Variants in VWA3B observed in about 807,000 individuals in gnomAD.
VWA3B encodes von Willebrand factor A domain containing 3B, also known as von Willebrand factor A domain-containing protein 3B.
In VWA3B, 138 loss-of-function variants were observed where a neutral mutation model predicts 158.3. The observed-to-expected ratio is 0.87, with a 90% CI of 0.76 to 1.00. The LOEUF is 1.00. Among genes scored for constraint, VWA3B ranks in the 50% least tolerant of loss-of-function variants. The pLI is 0.00. For missense variants in VWA3B, 1,555 were observed against 1,565.1 expected (o/e 0.99, Z 0.11); for synonymous variants, 596 against 587.3 (o/e 1.01, Z -0.21).
chr2:98,262,448 G>A (rs1217418301), intron 21 of VWA3B, among the ~76,000 whole-genome samples: 1 of 151,726 alleles, frequency 6.6e-6, no homozygotes, highest in Non-Finnish European at 1.5e-5. Context: ...TTTTATATAT[G>A]TTTTAAACCA....
chr2:98,256,908 T>C (rs1329002933), intron 21 of VWA3B, among the ~76,000 whole-genome samples: 1 of 152,214 alleles, frequency 6.6e-6, no homozygotes, highest in Non-Finnish European at 1.5e-5. Context: ...GTTTAGACTA[T>C]CTATCACCTC....
intron 2 of VWA3B, among the ~76,000 whole-genome samples, chr2:98,110,602 T>C (rs1438262160): frequency 6.6e-6 from 1 of 152,224 alleles, no homozygotes; most frequent in Non-Finnish European, 1.5e-5. Flanking sequence ...GTTTATATTT[T>C]TGGATTTAGG....
chr2:98,310,666 G>C (rs549561979), intron 26 of VWA3B, among the ~76,000 whole-genome samples: 1 of 152,140 alleles, frequency 6.6e-6, no homozygotes, highest in East Asian at 1.9e-4. Flanking sequence ...GAGCAGGGGC[G>C]GTAAGTGTAC....
chr2:98,216,217 G>C (rs936021246), intron 13 of VWA3B, among the ~76,000 whole-genome samples: 17 of 152,230 alleles, frequency 1.1e-4, no homozygotes, highest in Non-Finnish European at 2.9e-5. Context: ...GTGGGTTCTA[G>C]AAATATTAGT....
intron 26 of VWA3B, among the ~76,000 whole-genome samples, chr2:98,309,483 C>T (rs946339821): frequency 1.3e-5 from 2 of 152,128 alleles, no homozygotes; most frequent in Non-Finnish European, 2.9e-5. Context: ...AACCCCTGTT[C>T]CCCACAATTC....
chr2:98,107,668 A>G (rs1673779303), intron 2 of VWA3B, among the ~76,000 whole-genome samples: 1 of 152,012 alleles, frequency 6.6e-6, no homozygotes, highest in African/African-American at 2.4e-5. Flanking sequence ...AGGAGTTTGT[A>G]GTATTCTATT....
Position 98,186,158 on chromosome 2 carries a change from ATTT to A in VWA3B, c.1312-1801_1312-1799del, listed in dbSNP as rs377014875. ...TTGATCTAGTTGGTCACTTCCTTGA[ATTT>A]TTTTTTTTTTTTTTTGCAGAATATA... On this transcript the variant is annotated intron_variant, in intron 9 of 27. Transcript: ENST00000477737. Among the ~76,000 whole-genome samples the A allele has an allele frequency of 7.0e-5, 9 of 128,368 alleles. No homozygotes were observed. The East Asian group carries it at 1.6e-3, about 22-fold the overall frequency. 84.2% of individuals were successfully genotyped at this position (128,368 alleles called of 152,430 possible).
chr2:98,318,665 A>T, the VWA3B span, among the ~76,000 whole-genome samples: 1 of 152,228 alleles, frequency 6.6e-6, no homozygotes, highest in Non-Finnish European at 1.5e-5. Context: ...CTGTATAACC[A>T]ATCCCCATGA....
intron 22 of VWA3B, among the ~76,000 whole-genome samples, chr2:98,278,476 T>C (rs2105911034): frequency 6.6e-6 from 1 of 152,254 alleles, no homozygotes. Context: ...AAGAATCAGG[T>C]CACACGAACA....
intron 26 of VWA3B, among the ~76,000 whole-genome samples, chr2:98,306,862 C>T (rs1690557025): frequency 6.6e-6 from 1 of 152,196 alleles, no homozygotes; most frequent in East Asian, 1.9e-4. Flanking sequence ...GTAATTTCTA[C>T]TCTTTTTTAT....
At chr2:98,159,833 C>T (rs1005463822) in intron 7 of VWA3B, among the ~76,000 whole-genome samples, 1 of 151,664 alleles carries the variant, frequency 6.6e-6, no homozygotes, top group Non-Finnish European at 1.5e-5. Context: ...GCCTGTCCAA[C>T]ATGGTGAAAC....
chr2:98,328,720 T>G, the VWA3B span, among the ~76,000 whole-genome samples: 1 of 152,198 alleles, frequency 6.6e-6, no homozygotes, highest in African/African-American at 2.4e-5. Flanking sequence ...GTTCATAGAT[T>G]GGGGGGAAAA....
intron 9 of VWA3B, among the ~76,000 whole-genome samples, chr2:98,186,770 C>T (rs992968971): frequency 2.0e-5 from 3 of 152,082 alleles, no homozygotes; most frequent in African/African-American, 4.8e-5. Context: ...GGTCCTCGGC[C>T]GTCCAGTCTG....
Position 98,234,645 on chromosome 2 carries a change from C to G in VWA3B, c.2309-3C>G, listed in dbSNP as rs755072749. On this transcript the variant is annotated splice_region_variant and splice_polypyrimidine_tract_variant and intron_variant, in intron 16 of 27. Coordinates refer to ENST00000477737, the MANE Select transcript of VWA3B (RefSeq NM_144992.5). ...TTAACTCTTCCCTCTGTGATACCAA[C>G]AGAATCAACCAAAACCAGCCTGCTC... 4 of 1,614,200 alleles carry G rather than the reference C, an allele frequency of 2.5e-6. No individual in the cohort carries two copies. Among genetic ancestry groups the G allele is most frequent in the Non-Finnish European group, 3.4e-6 (4 of 1,180,014 alleles).
intron 10 of VWA3B, 39 bp downstream of exon 10, chr2:98,188,168 G>T (rs372576852): frequency 2.5e-6 from 4 of 1,588,084 alleles, no homozygotes; most frequent in Admixed American, 3.5e-5. Flanking sequence ...TGGTCTCCTC[G>T]CTCTGGACAT....
intron 2 of VWA3B, among the ~76,000 whole-genome samples, chr2:98,099,891 C>T (rs971685830): frequency 6.6e-6 from 1 of 152,070 alleles, no homozygotes; most frequent in Admixed American, 6.6e-5. Context: ...TTTTTCAGCT[C>T]CCTGGTTACT....
the VWA3B span, among the ~76,000 whole-genome samples, chr2:98,320,682 T>A: frequency 6.6e-6 from 1 of 152,154 alleles, no homozygotes; most frequent in Non-Finnish European, 1.5e-5. Context: ...GCTCTAGAGA[T>A]CTGTGGAACT....
Position 98,220,542 on chromosome 2 carries a change from G to A in VWA3B, c.2019+2514G>A, listed in dbSNP as rs577371725. 9.9e-4 allele frequency among the ~76,000 whole-genome samples: 150 copies of A among 152,214 alleles called. 2 individuals are homozygous for A. In the Middle Eastern group the frequency reaches 0.01, roughly 10 times the overall value. On this transcript the variant is annotated intron_variant, in intron 14 of 27. Coordinates refer to ENST00000477737, the MANE Select transcript of VWA3B (RefSeq NM_144992.5). ...CTTCAACCATTGTGGAAGACAGTGTGGCGATTCCTCAAGAATCTAGAACCA... is the reference window on the plus strand; with the variant it reads ...CTTCAACCATTGTGGAAGACAGTGTAGCGATTCCTCAAGAATCTAGAACCA...
At chr2:98,238,962 C>T (rs1435301211) in intron 19 of VWA3B, among the ~76,000 whole-genome samples, 1 of 152,048 alleles carries the variant, frequency 6.6e-6, no homozygotes, top group East Asian at 1.9e-4. Flanking sequence ...CAAATATATG[C>T]CTTAAAAAAT....
Sources: gnomAD v4.1 joint callset for allele counts (sites outside exome capture counted in the v4.1 genomes callset) on GRCh38, gnomAD v4.1.1 for gene constraint, MANE v1.5 for transcripts, NCBI Gene and HGNC (gene_info 2026-07-23, HGNC 2026-07-21) for gene names.